The following ADAM23 variants were observed in gnomAD, a reference collection of about 807,000 sequenced individuals.
ADAM23 encodes disintegrin and metalloproteinase domain-containing protein 23.
Under a neutral mutation model 120.1 loss-of-function variants are expected in ADAM23, and 33 were observed. The observed-to-expected ratio is 0.27, with a 90% CI of 0.21 to 0.37. ADAM23 has a LOEUF of 0.37. Among genes scored for constraint, ADAM23 ranks in the 10% least tolerant of loss-of-function variants. The probability of loss-of-function intolerance (pLI) is 1.00; values close to 1 mark genes in which losing one functional copy is unlikely to be tolerated. For missense variants in ADAM23, 862 were observed against 1,058.2 expected, an observed-to-expected ratio of 0.81 and a Z score of 2.57; for synonymous variants, 367 against 375.2, an observed-to-expected ratio of 0.98 and a Z score of 0.25.
At chr2:206,448,067 T>A (rs1024202452) in intron 2 of ADAM23, among the ~76,000 whole-genome samples, 1 of 152,252 alleles carries the variant, frequency 6.6e-6, no homozygotes, top group African/African-American at 2.4e-5. Flanking sequence ...TCTGAATGCC[T>A]TAATGTTTCT....
chr2:206,617,611 A>G lies in ADAM23; in HGVS notation c.2483A>G (p.Gln828Arg). ...AAGAAGAGAAGGTTCGATCCTACTCAGCAAGGCCCCATCTGAATCAGCTGC... is the reference window on the plus strand; with the variant it reads ...AAGAAGAGAAGGTTCGATCCTACTCGGCAAGGCCCCATCTGAATCAGCTGC... ...NVKKRRFDPT[Q>R]QGPI The change falls in exon 26 of 26, where the codon CAG becomes CGG. Residue 828 changes from glutamine (Q) to arginine (R), a missense_variant. Gln to Arg is a conservative substitution (Grantham distance 43). Transcript: ENST00000264377. 6.2e-7 allele frequency: 1 copy of G among 1,613,004 alleles called. No individual in the cohort carries two copies. The highest frequency in any genetic ancestry group is 1.1e-5 in the South Asian group (1 of 90,676).
At chr2:206,480,067 AT>A (rs1559226446) in intron 2 of ADAM23, among the ~76,000 whole-genome samples, 1 of 152,072 alleles carries the variant, frequency 6.6e-6, no homozygotes, top group Non-Finnish European at 1.5e-5. Flanking sequence ...CCTGTGATAT[AT>A]GTTGTGGAGC....
chr2:206,617,686 G>C lies in ADAM23; in HGVS notation c.*59G>C. ...GTTGGATTCTGGGTATGACATACTC[G>C]CAGCAGTGTTACTGGAACTATTAAG... On this transcript the variant is annotated 3_prime_UTR_variant, in exon 26 of 26. Coordinates refer to ENST00000264377, the MANE Select transcript of ADAM23 (RefSeq NM_003812.4). 1 of 1,605,230 alleles carries C rather than the reference G, an allele frequency of 6.2e-7. No individual in the cohort carries two copies. Among genetic ancestry groups the C allele is most frequent in the Non-Finnish European group, 8.5e-7 (1 of 1,175,890 alleles).
intron 3 of ADAM23, among the ~76,000 whole-genome samples, chr2:206,482,190 C>T (rs1200854814): frequency 6.6e-6 from 1 of 152,106 alleles, no homozygotes; most frequent in Non-Finnish European, 1.5e-5. Context: ...GTGAGCTCTG[C>T]AGAAAAAAAT....
intron 20 of ADAM23, among the ~76,000 whole-genome samples, 179 bp from the exon 21 acceptor site, chr2:206,589,230 A>G (rs1191694377): frequency 6.6e-6 from 1 of 152,230 alleles, no homozygotes; most frequent in Non-Finnish European, 1.5e-5. Context: ...TGGATATCAC[A>G]TTGAGTGTGA....
intron 24 of ADAM23, chr2:206,605,816 G>A (rs1260737135): frequency 4.3e-6 from 3 of 701,578 alleles, no homozygotes; most frequent in Non-Finnish European, 5.2e-6. Context: ...CAGGCTAATA[G>A]GGGCCGTGGC....
At chr2:206,613,083 G>C (rs1026597529) in intron 25 of ADAM23, among the ~76,000 whole-genome samples, 7 of 152,026 alleles carry the variant, frequency 4.6e-5, no homozygotes, top group Admixed American at 2.0e-4. Context: ...TTTTGAGACA[G>C]AGTTTTGCTT....
intron 25 of ADAM23, among the ~76,000 whole-genome samples, chr2:206,611,946 A>G (rs1698834984): frequency 1.3e-5 from 2 of 152,206 alleles, no homozygotes; most frequent in Non-Finnish European, 2.9e-5. Flanking sequence ...GTTGCTGTGT[A>G]GGGACCTGTA....
chr2:206,457,058 G>A (rs1399914869), intron 2 of ADAM23, among the ~76,000 whole-genome samples: 1 of 152,144 alleles, frequency 6.6e-6, no homozygotes, highest in African/African-American at 2.4e-5. Flanking sequence ...ATCAATCAAT[G>A]CTTAAGAGAG....
At chr2:206,568,469 A>G (rs1174100557) in intron 15 of ADAM23, among the ~76,000 whole-genome samples, 2 of 152,208 alleles carry the variant, frequency 1.3e-5, no homozygotes, top group Non-Finnish European at 2.9e-5. Context: ...AGAAATATTA[A>G]CTGATTATAG....
chr2:206,466,532 C>T (rs917544177), intron 2 of ADAM23, among the ~76,000 whole-genome samples: 9 of 152,180 alleles, frequency 5.9e-5, no homozygotes, highest in Admixed American at 5.2e-4. Context: ...ATTATATACC[C>T]TCCTTTATTC....
intron 25 of ADAM23, among the ~76,000 whole-genome samples, chr2:206,614,044 T>G (rs1356524558): frequency 6.6e-6 from 1 of 152,182 alleles, no homozygotes; most frequent in Non-Finnish European, 1.5e-5. Flanking sequence ...CTGTAGAACC[T>G]CATCACCACG....
intron 1 of ADAM23, among the ~76,000 whole-genome samples, 185 bp downstream of exon 1, chr2:206,444,265 A>G (rs898419580): frequency 2.0e-5 from 3 of 151,992 alleles, no homozygotes; most frequent in Admixed American, 2.0e-4. Context: ...TTGGAAGTCC[A>G]TTTCTGTTGC....
intron 19 of ADAM23, 41 bp downstream of exon 19, chr2:206,587,416 T>C (rs778342109): frequency 1.2e-5 from 17 of 1,442,838 alleles, no homozygotes; most frequent in Non-Finnish European, 1.6e-5. Flanking sequence ...TTAAAAAGGA[T>C]TCATTGGAAA....
chr2:206,487,361 A>G (rs1696036346), intron 3 of ADAM23, among the ~76,000 whole-genome samples: 1 of 152,124 alleles, frequency 6.6e-6, no homozygotes, highest in South Asian at 2.1e-4. Context: ...CCACTATGTA[A>G]TCTTTTCTCT....
intron 20 of ADAM23, 93 bp downstream of exon 20, chr2:206,588,247 T>C (rs1384940293): frequency 2.3e-6 from 3 of 1,305,512 alleles, no homozygotes; most frequent in Non-Finnish European, 3.2e-6. Context: ...ATGCACAGCT[T>C]GGAGTGATGT....
chr2:206,501,732 G>C (rs1245891716), intron 3 of ADAM23, among the ~76,000 whole-genome samples: 1 of 151,996 alleles, frequency 6.6e-6, no homozygotes. Flanking sequence ...TTTTTGCAAG[G>C]TGATAGCAAT....
At chr2:206,477,376 C>G (rs1412972751) in intron 2 of ADAM23, among the ~76,000 whole-genome samples, 2 of 152,060 alleles carry the variant, frequency 1.3e-5, no homozygotes, top group Non-Finnish European at 2.9e-5. Flanking sequence ...GTGCCAGATT[C>G]TGAGTTAAAA....
chr2:206,444,931 G>T (rs1170367219), intron 1 of ADAM23, among the ~76,000 whole-genome samples: 1 of 152,206 alleles, frequency 6.6e-6, no homozygotes, highest in African/African-American at 2.4e-5. Flanking sequence ...CAGAGAAGGG[G>T]TGGAGATCGG....
Sources: allele counts gnomAD v4.1 joint callset (sites outside exome capture counted in the v4.1 genomes callset), GRCh38; gene constraint gnomAD v4.1.1; transcripts MANE v1.5; gene names NCBI Gene and HGNC (gene_info 2026-07-23, HGNC 2026-07-21).